KLHL1: variants seen among roughly 807,000 people sequenced by gnomAD.
KLHL1 encodes the protein kelch-like protein 1.
KLHL1 carries 47 observed loss-of-function variants against 77.7 expected under a neutral mutation model. The observed-to-expected ratio is 0.60, with a 90% CI of 0.48 to 0.77. The LOEUF is 0.77. KLHL1 is among the 30% of genes least tolerant of loss of function. KLHL1 has a pLI of 0.00. For synonymous variants in KLHL1, 360 were observed against 325.2 expected, an observed-to-expected ratio of 1.11 and a Z score of -1.15; for missense variants, 925 against 910.8, an observed-to-expected ratio of 1.02 and a Z score of -0.20.
intron 1 of KLHL1, among the ~76,000 whole-genome samples, chr13:70,068,637 T>C (rs1445996212): frequency 6.6e-6 from 1 of 152,212 alleles, no homozygotes; most frequent in East Asian, 1.9e-4. Flanking sequence ...TGAGTGGAAA[T>C]AGAGCTGTTT....
chr13:69,912,439 T>G (rs1465252969), intron 4 of KLHL1, among the ~76,000 whole-genome samples: 1 of 152,234 alleles, frequency 6.6e-6, no homozygotes, highest in Non-Finnish European at 1.5e-5. Flanking sequence ...GCACTACTCC[T>G]TGCAATGACA....
chr13:69,946,235 G>A (rs1313452354), intron 3 of KLHL1, among the ~76,000 whole-genome samples: 4 of 152,018 alleles, frequency 2.6e-5, no homozygotes, highest in East Asian at 1.9e-4. Flanking sequence ...AACATTTGAC[G>A]ATTATAGATA....
At chr13:69,993,738 C>G (rs1160287300) in intron 1 of KLHL1, among the ~76,000 whole-genome samples, 2 of 151,964 alleles carry the variant, frequency 1.3e-5, no homozygotes, top group Non-Finnish European at 2.9e-5. Flanking sequence ...ACTGCAATAT[C>G]TAGGTAAAAA....
At chr13:69,926,583 T>C (rs1016158121) in intron 4 of KLHL1, among the ~76,000 whole-genome samples, 1 of 151,992 alleles carries the variant, frequency 6.6e-6, no homozygotes, top group Non-Finnish European at 1.5e-5. Flanking sequence ...TTTGCAGAAA[T>C]TGGCAAGATA....
intron 7 of KLHL1, among the ~76,000 whole-genome samples, chr13:69,791,709 A>G (rs1221797180): frequency 1.3e-5 from 2 of 152,176 alleles, no homozygotes; most frequent in African/African-American, 4.8e-5. Context: ...CAAAAGAAGC[A>G]AGGACAGCAT....
In KLHL1 at chr13:70,055,616, C is replaced by A. The variant is rs377102030; in HGVS notation, c.497+51587G>T. Among the ~76,000 whole-genome samples, 5 of 151,874 alleles carry A rather than the reference C, an allele frequency of 3.3e-5. 1 individual carries two copies. The highest frequency in any genetic ancestry group is 1.9e-4 in the East Asian group (1 of 5,178). On this transcript the variant is annotated intron_variant, in intron 1 of 10. Coordinates refer to ENST00000377844, the MANE Select transcript of KLHL1 (RefSeq NM_020866.3). ...TAATGACTACAACAACTTCTTAAGA[C>A]ATAGGTAGAATAATAAGACATAAAT...
intron 1 of KLHL1, among the ~76,000 whole-genome samples, chr13:69,986,878 T>G (rs1884885886): frequency 6.6e-6 from 1 of 151,954 alleles, no homozygotes; most frequent in Non-Finnish European, 1.5e-5. Flanking sequence ...TATTCAAAAT[T>G]GATGAGATTC....
chr13:69,935,867 T>A (rs1883172349), intron 4 of KLHL1, among the ~76,000 whole-genome samples: 1 of 152,182 alleles, frequency 6.6e-6, no homozygotes, highest in African/African-American at 2.4e-5. Flanking sequence ...AATTGATGAA[T>A]GTATTACAAG....
intron 7 of KLHL1, among the ~76,000 whole-genome samples, chr13:69,758,046 AG>A (rs1874846699): frequency 6.6e-6 from 1 of 151,974 alleles, no homozygotes; most frequent in Non-Finnish European, 1.5e-5. Flanking sequence ...GTTTTTTAAA[AG>A]TAAAAACCTT....
intron 1 of KLHL1, among the ~76,000 whole-genome samples, chr13:70,036,117 A>G (rs1179981595): frequency 6.6e-6 from 1 of 151,982 alleles, no homozygotes; most frequent in Admixed American, 6.5e-5. Context: ...TTGCTTTTAT[A>G]CTTTTATTTT....
At position 69,930,735 on chromosome 13, in the gene KLHL1, A is replaced by T. The variant is rs190931864; in HGVS notation, c.1014+9305T>A. Among the ~76,000 whole-genome samples the T allele has an allele frequency of 2.0e-3, 298 of 151,900 alleles. 2 individuals carry two copies. Among genetic ancestry groups the T allele is most frequent in the African/African-American group, 6.9e-3 (288 of 41,544 alleles). The stretch of plus-strand genomic sequence containing the variant: ...AGTAGGATAATGATCACACAAGTGT[A>T]TAATACATGATCTGTGGAAAGTGTG... On this transcript the variant is annotated intron_variant, in intron 4 of 10. Coordinates refer to ENST00000377844, the MANE Select transcript of KLHL1 (RefSeq NM_020866.3).
At chr13:69,973,222 A>T (rs1884444683) in intron 2 of KLHL1, among the ~76,000 whole-genome samples, 2 of 151,954 alleles carry the variant, frequency 1.3e-5, no homozygotes, top group African/African-American at 4.8e-5. Flanking sequence ...ATTGTGACCA[A>T]TATCAAGTTA....
rs761519216 is a variant in KLHL1, at chr13:70,075,569, G to GTGTATATATATATATATATATATA, written c.497+31633_497+31634insTATATATATATATATATATATACA. On this transcript the variant is annotated intron_variant, in intron 1 of 10. Coordinates refer to ENST00000377844, the MANE Select transcript of KLHL1 (RefSeq NM_020866.3). ...TATATATACCTGTGTGTGTGTATGT[G>GTGTATATATATATATATATATATA]TATATATATATATATATATACACAC... Among the ~76,000 whole-genome samples the GTGTATATATATATATATATATATA allele has an allele frequency of 9.4e-5, 10 of 106,636 alleles. 1 individual carries two copies. The East Asian group carries it at 1.2e-3, about 13-fold the overall frequency. The allele number at this position is 106,636 out of a possible 152,430, so 70.0% of individuals were successfully genotyped here. A position where few individuals can be genotyped will look rare whatever the true frequency, so the allele number is the denominator to read the frequency against.
intron 6 of KLHL1, among the ~76,000 whole-genome samples, chr13:69,822,259 A>T (rs1010002360): frequency 2.0e-5 from 3 of 152,008 alleles, no homozygotes; most frequent in African/African-American, 4.8e-5. Flanking sequence ...GAATATTGGC[A>T]GCAGATTTAG....
At chr13:69,983,589 A>AAAAAAAAAAAAAAAAG (rs1216543322) in intron 1 of KLHL1, among the ~76,000 whole-genome samples, 2 of 132,164 alleles carry the variant, frequency 1.5e-5, no homozygotes, top group African/African-American at 7.5e-5. Flanking sequence ...AAAAAAAAAA[A>AAAAAAAAAAAAAAAAG]AAGAAGAAGA....
chr13:70,033,712 C>G (rs1445063080), intron 1 of KLHL1, among the ~76,000 whole-genome samples: 18 of 145,298 alleles, frequency 1.2e-4, no homozygotes, highest in Non-Finnish European at 1.5e-4. Flanking sequence ...CTCCACCTCC[C>G]GGGTTCAAGC....
chr13:69,859,281 A>G (rs1264538656), intron 5 of KLHL1, among the ~76,000 whole-genome samples: 1 of 141,598 alleles, frequency 7.1e-6, no homozygotes, highest in Non-Finnish European at 1.5e-5. Flanking sequence ...TTTCCTGTTC[A>G]GTGCCTTTGG....
chr13:69,997,691 T>TAA (rs386379652), intron 1 of KLHL1, among the ~76,000 whole-genome samples: 2 of 147,438 alleles, frequency 1.4e-5, no homozygotes, highest in African/African-American at 2.5e-5. Flanking sequence ...CTTATATATA[T>TAA]AATATAAATA....
chr13:69,797,758 G>GGCGGCGCTTGCAGTGAGCAGAGATC (rs534033949), intron 6 of KLHL1, among the ~76,000 whole-genome samples: 1,624 of 151,478 alleles, frequency 0.011, 21 homozygotes, highest in African/African-American at 0.036. Context: ...GAACCCGGGA[G>GGCGGCGCTTGCAGTGAGCAGAGATC]GCGGCGCTTG....
Sources: allele counts gnomAD v4.1 joint callset (sites outside exome capture counted in the v4.1 genomes callset), GRCh38; gene constraint gnomAD v4.1.1; transcripts MANE v1.5; gene names NCBI Gene and HGNC (gene_info 2026-07-23, HGNC 2026-07-21).